ERBB4: variants seen among roughly 807,000 people sequenced by gnomAD.
ERBB4 encodes receptor tyrosine-protein kinase erbB-4.
A neutral mutation model predicts 158.0 loss-of-function variants in ERBB4; 42 were observed. The observed-to-expected ratio is 0.27, with a 90% CI of 0.21 to 0.34. The LOEUF is 0.34. Among genes scored for constraint, ERBB4 ranks in the 10% least tolerant of loss-of-function variants. The pLI is 1.00. For missense variants in ERBB4, 1,333 were observed against 1,624.1 expected, an observed-to-expected ratio of 0.82 and a Z score of 3.08; for synonymous variants, 583 against 558.7, an observed-to-expected ratio of 1.04 and a Z score of -0.61.
chr2:211,777,662 TA>T (rs2075917624), intron 4 of ERBB4: 1 of 152,154 alleles, frequency 6.6e-6, no homozygotes, highest in Non-Finnish European at 1.5e-5. Context: ...CCCCAACCAT[TA>T]TAGCTATCAT....
intron 2 of ERBB4, among the ~76,000 whole-genome samples, chr2:212,013,530 T>C (rs1402914922): frequency 6.6e-6 from 1 of 152,198 alleles, no homozygotes; most frequent in East Asian, 1.9e-4. Flanking sequence ...TTTGTAAATG[T>C]AGTCAAATTA....
At chr2:212,188,247 ACC>A (rs2082086098) in intron 1 of ERBB4, among the ~76,000 whole-genome samples, 1 of 9,004 alleles carries the variant, frequency 1.1e-4, no homozygotes, top group Non-Finnish European at 2.1e-4. Flanking sequence ...CCCCCCTCTC[ACC>A]CCCTCCCTCC....
intron 1 of ERBB4, among the ~76,000 whole-genome samples, chr2:212,270,811 A>T (rs560919245): frequency 6.6e-6 from 1 of 151,646 alleles, no homozygotes; most frequent in Non-Finnish European, 1.5e-5. Flanking sequence ...ATTGAGAGGG[A>T]GCTATTGGGA....
At chr2:212,385,186 G>C (rs1574822809) in intron 1 of ERBB4, among the ~76,000 whole-genome samples, 1 of 151,602 alleles carries the variant, frequency 6.6e-6, no homozygotes, top group African/African-American at 2.4e-5. Flanking sequence ...GGCAATGGCT[G>C]TAAAAATGCT....
intron 3 of ERBB4, among the ~76,000 whole-genome samples, chr2:211,810,688 C>T (rs1333064265): frequency 5.0e-5 from 5 of 99,406 alleles, no homozygotes; most frequent in East Asian, 6.4e-4. Context: ...TTTTTTGAGA[C>T]GGAGTCTCGC....
In ERBB4 at chr2:211,768,246, C is replaced by T. The variant is rs946258613; in HGVS notation, c.557-17542G>A. 3.3e-5 allele frequency among the ~76,000 whole-genome samples: 5 copies of T among 152,184 alleles called. No homozygotes were observed. In the East Asian group the frequency reaches 9.7e-4, roughly 29 times the overall value. On this transcript the variant is annotated intron_variant, in intron 4 of 27. Transcript: ENST00000342788. ...CTCTGAAGGCCTTGGGCAGCTCTGC[C>T]CCTGTGGCTCTGCAGGGTACAGCCT...
intron 20 of ERBB4, among the ~76,000 whole-genome samples, chr2:211,536,536 C>T (rs562133804): frequency 1.4e-4 from 22 of 151,920 alleles, no homozygotes; most frequent in African/African-American, 5.1e-4. Flanking sequence ...GATGCCTGAG[C>T]GAATGATTGG....
At chr2:211,758,653 A>C (rs555916283) in intron 4 of ERBB4, among the ~76,000 whole-genome samples, 20 of 152,336 alleles carry the variant, frequency 1.3e-4, no homozygotes, top group African/African-American at 4.6e-4. Flanking sequence ...GAGATGTGTC[A>C]GCTTTTTGAA....
At chr2:211,863,500 G>A (rs1204117228) in intron 3 of ERBB4, among the ~76,000 whole-genome samples, 1 of 152,136 alleles carries the variant, frequency 6.6e-6, no homozygotes, top group African/African-American at 2.4e-5. Context: ...TTACCACAGG[G>A]GTCTGCGGCT....
intron 25 of ERBB4, among the ~76,000 whole-genome samples, chr2:211,390,655 T>A (rs2062781189): frequency 6.6e-6 from 1 of 152,188 alleles, no homozygotes; most frequent in South Asian, 2.1e-4. Context: ...CAACTGGGAC[T>A]CTTGCGGTTA....
Position 212,167,466 on chromosome 2 carries a change from T to C in ERBB4, c.83-42563A>G, listed in dbSNP as rs190611489. On this transcript the variant is annotated intron_variant, in intron 1 of 27. Transcript: ENST00000342788. ...ACATGATGGTGAGGTTGTGGGGAAA[T>C]AGGAACACTTTTACACTGTTGATGG... 2.7e-3 allele frequency among the ~76,000 whole-genome samples: 413 copies of C among 152,134 alleles called. 1 individual carries two copies. Among genetic ancestry groups the C allele is most frequent in the African/African-American group, 9.4e-3 (392 of 41,536 alleles).
intron 12 of ERBB4, among the ~76,000 whole-genome samples, chr2:211,697,373 G>T (rs1347748029): frequency 6.6e-6 from 1 of 152,050 alleles, no homozygotes; most frequent in Non-Finnish European, 1.5e-5. Flanking sequence ...TAGATGAAAA[G>T]AATTGTCTAA....
At chr2:212,390,455 A>T (rs2090822485) in intron 1 of ERBB4, among the ~76,000 whole-genome samples, 1 of 151,784 alleles carries the variant, frequency 6.6e-6, no homozygotes, top group Admixed American at 6.6e-5. Flanking sequence ...AATCATATAT[A>T]AAGTCTTTCT....
At chr2:211,665,952 C>A (rs1362134690) in intron 14 of ERBB4, among the ~76,000 whole-genome samples, 1 of 152,128 alleles carries the variant, frequency 6.6e-6, no homozygotes, top group Non-Finnish European at 1.5e-5. Flanking sequence ...TATGTGAATA[C>A]TTTTACTAAA....
intron 15 of ERBB4, among the ~76,000 whole-genome samples, chr2:211,659,926 G>A (rs767791734): frequency 2.0e-5 from 3 of 152,128 alleles, no homozygotes; most frequent in Non-Finnish European, 2.9e-5. Flanking sequence ...CAACCTAGAA[G>A]GGCATGATAA....
intron 2 of ERBB4, among the ~76,000 whole-genome samples, chr2:212,106,848 G>T (rs1219941964): frequency 6.6e-6 from 1 of 152,230 alleles, no homozygotes; most frequent in Admixed American, 6.5e-5. Flanking sequence ...GCTTCAGAGG[G>T]TGCAAGCCCC....
intron 12 of ERBB4, among the ~76,000 whole-genome samples, chr2:211,695,515 A>C (rs558923478): frequency 1.3e-5 from 2 of 152,282 alleles, no homozygotes; most frequent in Admixed American, 6.5e-5. Flanking sequence ...CAATTTTAAA[A>C]TGTTTTAATT....
chr2:211,622,281 A>T (rs1196909078), intron 18 of ERBB4, among the ~76,000 whole-genome samples: 1 of 152,208 alleles, frequency 6.6e-6, no homozygotes, highest in Admixed American at 6.5e-5. Flanking sequence ...TAAATTGAGA[A>T]ACAGAAACAT....
At chr2:211,552,467 A>C (rs2125704177) in intron 20 of ERBB4, among the ~76,000 whole-genome samples, 1 of 152,212 alleles carries the variant, frequency 6.6e-6, no homozygotes, top group East Asian at 1.9e-4. Context: ...TAATCAGGTA[A>C]TCTGTGAATC....
Sources: gnomAD v4.1 joint callset for allele counts (sites outside exome capture counted in the v4.1 genomes callset) on GRCh38, gnomAD v4.1.1 for gene constraint, MANE v1.5 for transcripts, NCBI Gene and HGNC (gene_info 2026-07-23, HGNC 2026-07-21) for gene names.